The following TMEM63C variants were observed in gnomAD, a reference collection of about 807,000 sequenced individuals.
TMEM63C encodes the protein osmosensitive cation channel TMEM63C.
TMEM63C carries 32 observed loss-of-function variants against 99.2 expected under a neutral mutation model. That is an observed-to-expected ratio of 0.32 (90% confidence interval 0.24 to 0.43). The LOEUF is 0.43. Ranked by LOEUF, TMEM63C falls within the 20% of genes least tolerant of loss-of-function variation. TMEM63C has a pLI of 1.00. For synonymous variants in TMEM63C, 376 were observed against 397.9 expected (o/e 0.94, Z 0.66); for missense variants, 826 against 1,053.0 (o/e 0.78, Z 2.98).
At chr14:77,239,814 C>T in intron 12 of TMEM63C, 88 bp downstream of exon 12, 1 of 1,513,538 alleles carries the variant, frequency 6.6e-7, no homozygotes, top group South Asian at 1.2e-5. Flanking sequence ...ACTGTTGGGC[C>T]CCAGGCCTCA....
At chr14:77,253,210 G>A in intron 22 of TMEM63C, 95 bp from the exon 23 acceptor site, 3 of 1,110,888 alleles carry the variant, frequency 2.7e-6, no homozygotes, top group Non-Finnish European at 2.7e-6. Flanking sequence ...TTCCAAGGTG[G>A]TGAGAAGCCC....
At position 77,207,983 on chromosome 14, in the gene TMEM63C, G is replaced by GC. The variant is rs1183265969; in HGVS notation, c.-76-5457dup. On this transcript the variant is annotated intron_variant, in intron 1 of 23. Coordinates refer to ENST00000298351, the MANE Select transcript of TMEM63C (RefSeq NM_020431.4). ...TGATCAGGAGGGGGCTGTGGAACCA[G>GC]CCCCCCAGCTCAGGCCCTAACTTCA... Among the ~76,000 whole-genome samples, 3 of 152,260 alleles carry GC rather than the reference G, an allele frequency of 2.0e-5. No individual in the cohort carries two copies. The South Asian group carries it at 6.2e-4, about 32-fold the overall frequency.
Position 77,248,824 on chromosome 14 carries a change from A to G in TMEM63C, c.1822A>G (p.Ser608Gly). Reference sequence around the variant, plus strand: ...GTATGCGTGGATGATGAACGTGTTCAGCGTGGTGATGGCGTACAGCATCAC... The same window carrying G: ...GTATGCGTGGATGATGAACGTGTTCGGCGTGGTGATGGCGTACAGCATCAC... ...REYAWMMNVF[S>G]VVMAYSITCP... Residue 608 changes from serine to glycine, a missense_variant, in exon 20 of 24, where the codon AGC (serine) becomes GGC (glycine). Coordinates refer to ENST00000298351, the MANE Select transcript of TMEM63C (RefSeq NM_020431.4). 1 of 1,614,068 alleles carries G rather than the reference A, an allele frequency of 6.2e-7. No homozygotes were observed.
chr14:77,229,107 C>G (rs868616235), intron 6 of TMEM63C, among the ~76,000 whole-genome samples: 1 of 152,044 alleles, frequency 6.6e-6, no homozygotes. Context: ...ATGAACACAA[C>G]AAGAAAATAA....
intron 23 of TMEM63C, among the ~76,000 whole-genome samples, chr14:77,254,130 T>C (rs1021445657): frequency 2.0e-5 from 3 of 151,902 alleles, no homozygotes; most frequent in Non-Finnish European, 4.4e-5. Context: ...GGGTGCCAGG[T>C]GAAGTAGGGT....
rs1889474162 is a variant in TMEM63C, at chr14:77,256,970, C to T, written c.*244C>T. 1 of 522,810 alleles carries T rather than the reference C, an allele frequency of 1.9e-6. No homozygotes were observed. The highest frequency in any genetic ancestry group is 2.5e-5 in the South Asian group (1 of 39,300). 32.4% of individuals were successfully genotyped at this position (522,810 alleles called of 1,614,324 possible). A position where few individuals can be genotyped will look rare whatever the true frequency, so the allele number is the denominator to read the frequency against. On this transcript the variant is annotated 3_prime_UTR_variant, in exon 24 of 24. Transcript: ENST00000298351. ...AGGGATGGGAGGATACAGGCAAGCA[C>T]ATGTCTTGAGAGAGGTGGCTGGAGC...
chr14:77,194,497 C>CTTTTTCTT (rs56136475), intron 1 of TMEM63C, among the ~76,000 whole-genome samples: 3 of 114,684 alleles, frequency 2.6e-5, no homozygotes, highest in Non-Finnish European at 5.3e-5. Flanking sequence ...TTTCTTTTTT[C>CTTTTTCTT]TTTCTTTCTT....
chr14:77,248,451 G>T lies in TMEM63C; in HGVS notation c.1706G>T (p.Cys569Phe). The T allele has an allele frequency of 1.3e-6, 2 of 1,574,802 alleles. No individual in the cohort carries two copies. The highest frequency in any genetic ancestry group is 2.4e-5 in the East Asian group (1 of 42,296). The change falls in exon 19 of 24, where the codon TGC becomes TTC. Residue 569 changes from cysteine to phenylalanine, a missense_variant. Coordinates refer to ENST00000298351, the MANE Select transcript of TMEM63C (RefSeq NM_020431.4). ...MELLRLGSLF[C>F]YSTRLFFSRS... Reference sequence around the variant, plus strand: ...CTGCTGCGTCTGGGGTCACTCTTCTGCTACAGCACCCGCCTCTTCTTCTCT... The same window carrying T: ...CTGCTGCGTCTGGGGTCACTCTTCTTCTACAGCACCCGCCTCTTCTTCTCT...
intron 1 of TMEM63C, among the ~76,000 whole-genome samples, chr14:77,190,540 C>T (rs1729564635): frequency 6.6e-6 from 1 of 152,142 alleles, no homozygotes; most frequent in Admixed American, 6.5e-5. Flanking sequence ...AATGGACTCA[C>T]AGCATTATGT....
intron 16 of TMEM63C, 36 bp from the exon 17 acceptor site, chr14:77,245,904 A>G: frequency 2.0e-6 from 3 of 1,519,360 alleles, no homozygotes; most frequent in Non-Finnish European, 2.7e-6. Context: ...TTATTAGGCC[A>G]CGTCCATTGA....
chr14:77,236,867 CT>C, intron 9 of TMEM63C, 135 bp downstream of exon 9: 1 of 655,682 alleles, frequency 1.5e-6, no homozygotes, highest in Non-Finnish European at 2.7e-6. Context: ...GCGGTTTCAC[CT>C]GAGCAGGGGC....
intron 2 of TMEM63C, among the ~76,000 whole-genome samples, chr14:77,216,379 CT>C (rs1408488394): frequency 6.6e-6 from 1 of 152,228 alleles, no homozygotes; most frequent in Non-Finnish European, 1.5e-5. Flanking sequence ...ACTACATTCT[CT>C]TCTGTAATTC....
At chr14:77,209,421 G>A (rs947549900) in intron 1 of TMEM63C, among the ~76,000 whole-genome samples, 1 of 152,190 alleles carries the variant, frequency 6.6e-6, no homozygotes, top group Non-Finnish European at 1.5e-5. Flanking sequence ...ACCCTTGAGT[G>A]TGTCTCTGGG....
chr14:77,205,607 G>A (rs1888383337), intron 1 of TMEM63C, among the ~76,000 whole-genome samples: 2 of 152,222 alleles, frequency 1.3e-5, no homozygotes, highest in Admixed American at 1.3e-4. Context: ...CCCGTTGGGG[G>A]AGGATCAAGG....
chr14:77,227,509 A>C (rs921159443), intron 6 of TMEM63C, among the ~76,000 whole-genome samples: 1 of 152,262 alleles, frequency 6.6e-6, no homozygotes, highest in African/African-American at 2.4e-5. Context: ...ATTGAAGCCT[A>C]GGAGAAAGGT....
chr14:77,230,339 C>T (rs1343057456), intron 6 of TMEM63C, among the ~76,000 whole-genome samples: 1 of 149,146 alleles, frequency 6.7e-6, no homozygotes, highest in East Asian at 1.9e-4. Flanking sequence ...CCCATTCTAA[C>T]TCTATAGCTC....
At chr14:77,247,762 C>G (rs1889289936) in intron 18 of TMEM63C, among the ~76,000 whole-genome samples, 1 of 151,748 alleles carries the variant, frequency 6.6e-6, no homozygotes. Flanking sequence ...AGGCAAGGAC[C>G]AGAATCCTTC....
rs758736284 is a variant in TMEM63C at position 77,242,449 on chromosome 14, A to C, written c.1167A>C (p.Pro389=). 2 of 1,613,754 alleles carry C rather than the reference A, an allele frequency of 1.2e-6. No individual in the cohort carries two copies. The highest frequency in any genetic ancestry group is 1.3e-5 in the African/African-American group (1 of 74,906). ...ATTACTGGAGGGTCACTATGGCCCC[A>C]CACCCCAAAGACATTATTTGGTAAG... is the stretch of plus-strand genomic sequence containing the variant. ...KSYYWRVTMA[P]HPKDIIWKHL... The change falls in exon 14 of 24, where the codon CCA becomes CCC. Residue 389 remains proline, a synonymous_variant. Transcript: ENST00000298351.
Position 77,246,684 on chromosome 14 carries a change from C to G in TMEM63C, c.1601+10C>G. 1 of 1,610,458 alleles carries G rather than the reference C, an allele frequency of 6.2e-7. No homozygotes were observed. The highest frequency in any genetic ancestry group is 1.3e-5 in the African/African-American group (1 of 74,958). ...CATCCATCAGGTTCCAGTGAGTACTCCCATGTGTCCACCAGGGCTGCTGTG... is the reference window on the plus strand; with the variant it reads ...CATCCATCAGGTTCCAGTGAGTACTGCCATGTGTCCACCAGGGCTGCTGTG... On this transcript the variant is annotated intron_variant, in intron 18 of 23. Transcript: ENST00000298351.
Sources: allele counts gnomAD v4.1 joint callset (sites outside exome capture counted in the v4.1 genomes callset), GRCh38; gene constraint gnomAD v4.1.1; transcripts MANE v1.5; gene names NCBI Gene and HGNC (gene_info 2026-07-23, HGNC 2026-07-21).